MLXIPL: variants seen among roughly 807,000 people sequenced by gnomAD.
MLXIPL encodes the protein MLX interacting protein like, also known as carbohydrate-responsive element-binding protein.
In MLXIPL, 49 loss-of-function variants were observed where a neutral mutation model predicts 81.5. The ratio of observed to expected loss-of-function variants is 0.60; its 90% CI spans 0.48 to 0.76. The LOEUF (loss-of-function observed/expected upper bound fraction) is 0.76. Among genes scored for constraint, MLXIPL ranks in the 30% least tolerant of loss-of-function variants. MLXIPL has a pLI of 0.00. For missense variants in MLXIPL, 1,053 were observed against 1,167.0 expected, an observed-to-expected ratio of 0.90 and a Z score of 1.42; for synonymous variants, 466 against 485.5, an observed-to-expected ratio of 0.96 and a Z score of 0.53.
intron 8 of MLXIPL, among the ~76,000 whole-genome samples, chr7:73,598,982 C>T (rs568608117): frequency 2.6e-5 from 4 of 151,236 alleles, no homozygotes; most frequent in Admixed American, 1.3e-4. Context: ...AGCCGGAAAT[C>T]GCTTGAACAC....
At chr7:73,630,796 G>A in the MLXIPL span, among the ~76,000 whole-genome samples, 3,140 of 152,272 alleles carry the variant, frequency 0.021, 44 homozygotes, top group Non-Finnish European at 0.031. Context: ...CCTGCCAGTG[G>A]AGGCAAAATC....
chr7:73,625,587 T>A (rs1796693866), upstream of MLXIPL, among the ~76,000 whole-genome samples: 1 of 151,920 alleles, frequency 6.6e-6, no homozygotes, highest in Non-Finnish European at 1.5e-5. Flanking sequence ...AGAAACCCCT[T>A]CTCTACTAAA....
At chr7:73,630,694 C>A in the MLXIPL span, among the ~76,000 whole-genome samples, 1 of 152,186 alleles carries the variant, frequency 6.6e-6, no homozygotes, top group East Asian at 1.9e-4. Flanking sequence ...CAATTGAATG[C>A]CAGCCTGTTC....
upstream of MLXIPL, among the ~76,000 whole-genome samples, chr7:73,626,566 C>T (rs1796760092): frequency 6.6e-6 from 1 of 152,028 alleles, no homozygotes; most frequent in Non-Finnish European, 1.5e-5. Context: ...GCTTCTGAAG[C>T]CTCTTTTCTC....
At position 73,593,259 on chromosome 7, in the gene MLXIPL, A is replaced by G; in HGVS notation, c.*606T>C. On this transcript the variant is annotated 3_prime_UTR_variant, in exon 17 of 17. Transcript: ENST00000313375. ...TTACAAAACCCACACACACACATCCACACACACACACACACATGATGCCTG... is the reference window on the plus strand; with the variant it reads ...TTACAAAACCCACACACACACATCCGCACACACACACACACATGATGCCTG... 6.4e-6 allele frequency: 1 copy of G among 155,940 alleles called. No homozygotes were observed. The highest frequency in any genetic ancestry group is 1.4e-5 in the Non-Finnish European group (1 of 70,824). 9.7% of individuals were successfully genotyped at this position (155,940 alleles called of 1,614,324 possible). A position where few individuals can be genotyped will look rare whatever the true frequency, so the allele number is the denominator to read the frequency against.
At chr7:73,628,407 C>T (rs1287649226), upstream of MLXIPL, among the ~76,000 whole-genome samples, 2 of 152,174 alleles carry the variant, frequency 1.3e-5, no homozygotes, top group African/African-American at 4.8e-5. Flanking sequence ...CTCTAGAAGC[C>T]TAACCGCTGA....
chr7:73,637,836 G>A, the MLXIPL span, among the ~76,000 whole-genome samples: 3 of 152,312 alleles, frequency 2.0e-5, no homozygotes, highest in Non-Finnish European at 4.4e-5. Context: ...AGGGTGAGAG[G>A]TCGGGTCCGG....
chr7:73,606,949 C>T, intron 5 of MLXIPL, 25 bp downstream of exon 5: 2 of 1,612,678 alleles, frequency 1.2e-6, no homozygotes, highest in Admixed American at 1.7e-5. Context: ...GATGCCCTTG[C>T]CTGCTGGACT....
At chr7:73,621,091 A>G (rs1554601930) in intron 1 of MLXIPL, among the ~76,000 whole-genome samples, 1 of 150,534 alleles carries the variant, frequency 6.6e-6, no homozygotes, top group African/African-American at 2.4e-5. Context: ...AAATAATAAG[A>G]AGGAGAAGAA....
At chr7:73,622,974 G>A (rs1463622973) in intron 1 of MLXIPL, among the ~76,000 whole-genome samples, 1 of 152,168 alleles carries the variant, frequency 6.6e-6, no homozygotes, top group African/African-American at 2.4e-5. Context: ...CCCTGTCCCA[G>A]GCAGTCGCGT....
chr7:73,627,650 G>T (rs6460046), upstream of MLXIPL, among the ~76,000 whole-genome samples: 1 of 152,026 alleles, frequency 6.6e-6, no homozygotes, highest in Non-Finnish European at 1.5e-5. Flanking sequence ...CTATTCCTCC[G>T]TAGGCCATTG....
chr7:73,625,027 T>A (rs1796653931), upstream of MLXIPL, among the ~76,000 whole-genome samples: 1 of 151,816 alleles, frequency 6.6e-6, no homozygotes, highest in Admixed American at 6.6e-5. Context: ...CTACCAAACA[T>A]ACAAAAATTA....
chr7:73,624,405 C>G lies in MLXIPL; in HGVS notation c.88G>C (p.Glu30Gln). 10 of 1,567,306 alleles carry G rather than the reference C, an allele frequency of 6.4e-6. No homozygotes were observed. Among genetic ancestry groups the G allele is most frequent in the Non-Finnish European group, 8.6e-6 (10 of 1,162,794 alleles). The change falls in exon 1 of 17, where the codon GAG (glutamate) becomes CAG (glutamine). Residue 30 changes from glutamate (E) to glutamine (Q), a missense_variant. Coordinates refer to ENST00000313375, the MANE Select transcript of MLXIPL (RefSeq NM_032951.3). ...SPDSDSDTDS[E>Q]DPSLRRSAGG... ...GCGCTGCGCCGGAGACTCGGGTCCT[C>G]CGAGTCTGTGTCCGAGTCCGAGTCT...
intron 8 of MLXIPL, 31 bp from the exon 9 acceptor site, chr7:73,597,744 A>T: frequency 7.6e-7 from 1 of 1,323,248 alleles, no homozygotes; most frequent in Non-Finnish European, 9.6e-7. Flanking sequence ...ACACTCAGAG[A>T]GCAGGGGAGA....
At chr7:73,637,083 C>T in the MLXIPL span, among the ~76,000 whole-genome samples, 1 of 142,232 alleles carries the variant, frequency 7.0e-6, no homozygotes, top group Non-Finnish European at 1.6e-5. Flanking sequence ...GAATAACAAA[C>T]TGGGCATATA....
upstream of MLXIPL, among the ~76,000 whole-genome samples, chr7:73,627,689 AC>A (rs1174160855): frequency 6.6e-6 from 1 of 151,900 alleles, no homozygotes; most frequent in Non-Finnish European, 1.5e-5. Context: ...GCATCTCTGA[AC>A]CCCCACACTG....
chr7:73,602,688 G>A (rs1554596715), intron 7 of MLXIPL, among the ~76,000 whole-genome samples: 1 of 152,016 alleles, frequency 6.6e-6, no homozygotes, highest in East Asian at 1.9e-4. Context: ...TCAAAAAAAG[G>A]GGGACCAGGT....
intron 5 of MLXIPL, 26 bp from the exon 6 acceptor site, chr7:73,606,137 C>A (rs3812317): frequency 1.2e-5 from 19 of 1,555,126 alleles, no homozygotes; most frequent in Non-Finnish European, 1.5e-5. Flanking sequence ...CGTCAGCAGC[C>A]GCTAGAGAGC....
At chr7:73,631,269 C>T in the MLXIPL span, among the ~76,000 whole-genome samples, 1 of 151,954 alleles carries the variant, frequency 6.6e-6, no homozygotes, top group African/African-American at 2.4e-5. Context: ...CTCGGCTCGG[C>T]CTCCCAAAGT....
Sources: gnomAD v4.1 joint callset for allele counts (sites outside exome capture counted in the v4.1 genomes callset) on GRCh38, gnomAD v4.1.1 for gene constraint, MANE v1.5 for transcripts, NCBI Gene and HGNC (gene_info 2026-07-23, HGNC 2026-07-21) for gene names.